Variants in MAP7 observed in about 807,000 individuals in gnomAD.
The protein encoded by MAP7 is ensconsin.
A neutral mutation model predicts 94.8 loss-of-function variants in MAP7; 52 were observed. That is an observed-to-expected ratio of 0.55 (90% confidence interval 0.44 to 0.69). The LOEUF (loss-of-function observed/expected upper bound fraction) is 0.69, where lower values mean the gene tolerates loss of function less well. Ranked by LOEUF, MAP7 falls within the 30% of genes least tolerant of loss-of-function variation. The pLI, the probability that MAP7 is intolerant of heterozygous loss-of-function variation, is 0.00. For synonymous variants in MAP7, 350 were observed against 357.0 expected (o/e 0.98, Z 0.22); for missense variants, 940 against 964.6 (o/e 0.97, Z 0.34).
intron 1 of MAP7, among the ~76,000 whole-genome samples, chr6:136,504,693 A>T (rs966287682): frequency 2.6e-5 from 4 of 151,298 alleles, no homozygotes; most frequent in Non-Finnish European, 5.9e-5. Flanking sequence ...CTTTAAAAAA[A>T]TTTTTTAGAC....
chr6:136,461,647 A>G (rs898126616), intron 1 of MAP7, among the ~76,000 whole-genome samples: 2 of 152,228 alleles, frequency 1.3e-5, no homozygotes, highest in Non-Finnish European at 2.9e-5. Flanking sequence ...GGATTAAGGC[A>G]TTATCTTTTA....
intron 6 of MAP7, among the ~76,000 whole-genome samples, chr6:136,382,012 C>A (rs753233515): frequency 1.3e-5 from 2 of 151,926 alleles, no homozygotes. Flanking sequence ...GGCGGTCACA[C>A]GGGTGAGGAG....
chr6:136,456,720 A>T (rs1803004196), intron 1 of MAP7, among the ~76,000 whole-genome samples: 1 of 147,610 alleles, frequency 6.8e-6, no homozygotes, highest in South Asian at 2.2e-4. Flanking sequence ...AGAGGAGAAG[A>T]AAGAAGAGAA....
intron 1 of MAP7, among the ~76,000 whole-genome samples, chr6:136,446,589 T>C (rs1372215032): frequency 1.3e-5 from 2 of 152,164 alleles, no homozygotes; most frequent in Non-Finnish European, 2.9e-5. Context: ...GCCCCAACCC[T>C]CTAATCCTGC....
rs116074818 is a variant in MAP7, at chr6:136,529,156, C to T, written c.67+21186G>A. Among the ~76,000 whole-genome samples the T allele has an allele frequency of 4.7e-3, 719 of 152,228 alleles. 6 individuals carry two copies. Among genetic ancestry groups the T allele is most frequent in the African/African-American group, 0.016 (682 of 41,548 alleles). On this transcript the variant is annotated intron_variant, in intron 1 of 17. Transcript: ENST00000354570. ...ACTCTTTGAGATGGAGTCTCGCTGT[C>T]GCCAGGCTGGAGTGCAGTCGCAGTC...
chr6:136,541,952 G>A (rs539384234), intron 1 of MAP7, among the ~76,000 whole-genome samples: 60 of 152,184 alleles, frequency 3.9e-4, no homozygotes, highest in African/African-American at 1.4e-3. Context: ...CCGGCTACTC[G>A]GGAGGCTGAG....
chr6:136,354,425 ATATAG>A (rs1275493131), intron 16 of MAP7, among the ~76,000 whole-genome samples: 1 of 144,026 alleles, frequency 6.9e-6, no homozygotes, highest in African/African-American at 2.6e-5. Context: ...ATAAAAATAT[ATATAG>A]TAGATATATA....
intron 1 of MAP7, among the ~76,000 whole-genome samples, chr6:136,460,373 G>GC (rs1554260288): frequency 6.6e-6 from 1 of 151,950 alleles, no homozygotes; most frequent in Non-Finnish European, 1.5e-5. Flanking sequence ...GTTTCTTTTT[G>GC]TTTTTGCCAA....
intron 10 of MAP7, among the ~76,000 whole-genome samples, 161 bp downstream of exon 10, chr6:136,365,574 G>A (rs894191232): frequency 5.9e-5 from 9 of 152,058 alleles, no homozygotes; most frequent in Non-Finnish European, 8.8e-5. Context: ...TAAGCAATGC[G>A]AAGTTAAAAT....
chr6:136,549,931 T>C (rs1830007947), intron 1 of MAP7, among the ~76,000 whole-genome samples: 1 of 152,202 alleles, frequency 6.6e-6, no homozygotes. Context: ...CTGCTCGTCC[T>C]GCCAGTCGCA....
At chr6:136,346,101 A>C (rs766992826) in intron 16 of MAP7, 22 bp from the exon 17 acceptor site, 13 of 1,482,296 alleles carry the variant, frequency 8.8e-6, no homozygotes, top group Non-Finnish European at 1.2e-5. Flanking sequence ...GAAAAATAAA[A>C]ATAGAAATAA....
At chr6:136,482,750 T>C (rs1033910919) in intron 1 of MAP7, among the ~76,000 whole-genome samples, 1 of 152,160 alleles carries the variant, frequency 6.6e-6, no homozygotes, top group African/African-American at 2.4e-5. Flanking sequence ...CAGCACATTG[T>C]TGGTTGGATA....
chr6:136,356,632 G>A, intron 16 of MAP7, 60 bp downstream of exon 16: 3 of 1,322,182 alleles, frequency 2.3e-6, no homozygotes, highest in Non-Finnish European at 2.2e-6. Context: ...TGAAATTCTG[G>A]TGGAGCTGGT....
At chr6:136,366,145 G>A in intron 9 of MAP7, 127 bp from the exon 10 acceptor site, 1 of 1,106,532 alleles carries the variant, frequency 9.0e-7, no homozygotes, top group Non-Finnish European at 1.3e-6. Flanking sequence ...TTATGTGGTA[G>A]ATACAGAAAT....
At chr6:136,449,080 G>A (rs1272537450) in intron 1 of MAP7, among the ~76,000 whole-genome samples, 6 of 151,568 alleles carry the variant, frequency 4.0e-5, no homozygotes, top group East Asian at 1.9e-4. Context: ...AGGCCGAGGC[G>A]GGCGGATCAC....
At chr6:136,344,392 C>A (rs559502445) in intron 17 of MAP7, among the ~76,000 whole-genome samples, 154 bp from the exon 18 acceptor site, 2 of 152,140 alleles carry the variant, frequency 1.3e-5, no homozygotes, top group Admixed American at 1.3e-4. Context: ...GATTCACAGT[C>A]TTATATTTAA....
intron 1 of MAP7, among the ~76,000 whole-genome samples, chr6:136,427,192 A>G (rs1216511897): frequency 1.3e-5 from 2 of 152,226 alleles, no homozygotes; most frequent in South Asian, 2.1e-4. Flanking sequence ...AGGACAGCTC[A>G]CGCAGCACTA....
chr6:136,376,592 G>A (rs1383067633), intron 7 of MAP7, among the ~76,000 whole-genome samples: 1 of 152,222 alleles, frequency 6.6e-6, no homozygotes, highest in Non-Finnish European at 1.5e-5. Context: ...CTGTGGTTCA[G>A]CTAGTTGACT....
chr6:136,360,044 A>G lies in MAP7; in HGVS notation c.1804-13T>C. On this transcript the variant is annotated splice_polypyrimidine_tract_variant and intron_variant, in intron 13 of 17. Transcript: ENST00000354570. ...TCTCCTCAAGTCGCTATAGGAAAGGAAGAATTGAGCAAGAAGATTAGACAC... is the reference window on the plus strand; with the variant it reads ...TCTCCTCAAGTCGCTATAGGAAAGGGAGAATTGAGCAAGAAGATTAGACAC... 1 of 1,605,940 alleles carries G rather than the reference A, an allele frequency of 6.2e-7. No individual in the cohort carries two copies. The highest frequency in any genetic ancestry group is 8.5e-7 in the Non-Finnish European group (1 of 1,176,486).
Sources: gnomAD v4.1 joint callset for allele counts (sites outside exome capture counted in the v4.1 genomes callset) on GRCh38, gnomAD v4.1.1 for gene constraint, MANE v1.5 for transcripts, NCBI Gene and HGNC (gene_info 2026-07-23, HGNC 2026-07-21) for gene names.